Variants in UCHL3 observed in about 807,000 individuals in gnomAD.
UCHL3 encodes ubiquitin carboxyl-terminal hydrolase isozyme L3.
Under a neutral mutation model 35.8 loss-of-function variants are expected in UCHL3, and 22 were observed. The ratio of observed to expected loss-of-function variants is 0.61; its 90% CI spans 0.44 to 0.88. The LOEUF is 0.88. Among genes scored for constraint, UCHL3 ranks in the 40% least tolerant of loss-of-function variants. UCHL3 has a pLI of 0.00. For missense variants in UCHL3, 229 were observed against 276.9 expected (o/e 0.83, Z 1.23); for synonymous variants, 90 against 92.8 (o/e 0.97, Z 0.17).
chr13:75,576,566 G>T (rs2032030930), intron 6 of UCHL3, among the ~76,000 whole-genome samples: 1 of 152,100 alleles, frequency 6.6e-6, no homozygotes, highest in Non-Finnish European at 1.5e-5. Context: ...GTGTTAGCAA[G>T]GATGGTCTCG....
At chr13:75,585,974 G>A (rs140676608) in intron 6 of UCHL3, among the ~76,000 whole-genome samples, 2,184 of 152,020 alleles carry the variant, frequency 0.014, 18 homozygotes, top group Non-Finnish European at 0.023. Context: ...ATAAAGAACT[G>A]ACAATGTAGA....
rs546657200 is a variant in UCHL3 at position 75,592,415 on chromosome 13, CATATATATATATATATATATATATATAT to C, written c.475-2475_475-2448del. ...TAAAGTGGAATTTTAATTTTTCCTTCATATATATATATATATATATATATATATATATATATATATATATATATATATG... is the reference window on the plus strand; with the variant it reads ...TAAAGTGGAATTTTAATTTTTCCTTCATATATATATATATATATATATATG... On this transcript the variant is annotated intron_variant, in intron 6 of 8. Coordinates refer to ENST00000377595, the MANE Select transcript of UCHL3 (RefSeq NM_006002.5). Among the ~76,000 whole-genome samples the C allele has an allele frequency of 1.3e-3, 53 of 40,654 alleles. 4 individuals are homozygous for C. The highest frequency in any genetic ancestry group is 1.7e-3 in the Non-Finnish European group (40 of 23,218). 26.7% of individuals were successfully genotyped at this position (40,654 alleles called of 152,430 possible).
chr13:75,596,346 C>T (rs191811662), intron 7 of UCHL3, among the ~76,000 whole-genome samples: 255 of 152,040 alleles, frequency 1.7e-3, no homozygotes, highest in African/African-American at 5.5e-3. Flanking sequence ...TATAATGGAC[C>T]TCCAGGACAG....
In UCHL3 at chr13:75,557,104, A is replaced by G. The variant is rs763578327; in HGVS notation, c.55-3649A>G. Among the ~76,000 whole-genome samples the G allele has an allele frequency of 3.9e-5, 6 of 152,134 alleles. No homozygotes were observed. The South Asian group carries it at 6.2e-4, about 16-fold the overall frequency. Reference sequence around the variant, plus strand: ...ATGATGTATGCCTGTAGTCTCAGCTATCTGGGAGGCTGAGGCAGGAGGATT... The same window carrying G: ...ATGATGTATGCCTGTAGTCTCAGCTGTCTGGGAGGCTGAGGCAGGAGGATT... On this transcript the variant is annotated intron_variant, in intron 2 of 8. Transcript: ENST00000377595.
intron 6 of UCHL3, among the ~76,000 whole-genome samples, chr13:75,587,910 T>G (rs1271741032): frequency 6.6e-6 from 1 of 152,160 alleles, no homozygotes; most frequent in Non-Finnish European, 1.5e-5. Context: ...AGTATTCCTC[T>G]CTTGTAACAC....
At chr13:75,589,288 T>C (rs1404978851) in intron 6 of UCHL3, among the ~76,000 whole-genome samples, 1 of 152,174 alleles carries the variant, frequency 6.6e-6, no homozygotes, top group Non-Finnish European at 1.5e-5. Flanking sequence ...TAAATGAACC[T>C]ATATATGTCA....
intron 6 of UCHL3, among the ~76,000 whole-genome samples, chr13:75,589,663 T>C (rs1018895972): frequency 1.3e-5 from 2 of 152,220 alleles, no homozygotes; most frequent in African/African-American, 4.8e-5. Context: ...CTTTTACATA[T>C]TAATTTCCAT....
intron 7 of UCHL3, among the ~76,000 whole-genome samples, chr13:75,597,195 A>G (rs4885322): frequency 0.77 from 117,195 of 151,966 alleles, 45,957 homozygotes; most frequent in Middle Eastern, 0.88. Flanking sequence ...GTAGAAAATA[A>G]TGATTAAGAG....
At chr13:75,571,976 C>CTGTCTTGTCTTGTCTTGTCTTGTCT (rs6145127) in intron 6 of UCHL3, among the ~76,000 whole-genome samples, 3,194 of 143,102 alleles carry the variant, frequency 0.022, 158 homozygotes, top group African/African-American at 0.078. Context: ...TTTCCTAACC[C>CTGTCTTGTCTTGTCTTGTCTTGTCT]TGTCTTGTCT....
intron 2 of UCHL3, among the ~76,000 whole-genome samples, chr13:75,557,649 C>T (rs2031338870): frequency 6.6e-6 from 1 of 152,130 alleles, no homozygotes; most frequent in Non-Finnish European, 1.5e-5. Context: ...AGATAATTAT[C>T]TTTGTGAGCA....
intron 7 of UCHL3, among the ~76,000 whole-genome samples, chr13:75,598,455 C>A (rs1164112097): frequency 2.0e-5 from 3 of 152,156 alleles, no homozygotes; most frequent in Non-Finnish European, 4.4e-5. Flanking sequence ...TATTCAGGAG[C>A]CAATCCAGGA....
At chr13:75,604,085 CTG>C (rs2032860220) in intron 7 of UCHL3, among the ~76,000 whole-genome samples, 1 of 151,772 alleles carries the variant, frequency 6.6e-6, no homozygotes, top group South Asian at 2.1e-4. Flanking sequence ...GTAGAAGGGG[CTG>C]TGTTTTATGG....
At position 75,575,246 on chromosome 13, in the gene UCHL3, G is replaced by A. The variant is rs567232845; in HGVS notation, c.474+5739G>A. On this transcript the variant is annotated intron_variant, in intron 6 of 8. Coordinates refer to ENST00000377595, the MANE Select transcript of UCHL3 (RefSeq NM_006002.5). Reference sequence around the variant, plus strand: ...TTTACCTACTTTTCTCCATCCCACCGTGATTGTCTGGTAGATCAGCTAATA... The same window carrying A: ...TTTACCTACTTTTCTCCATCCCACCATGATTGTCTGGTAGATCAGCTAATA... 2.6e-5 allele frequency among the ~76,000 whole-genome samples: 4 copies of A among 152,236 alleles called. No homozygotes were observed. The South Asian group carries it at 6.2e-4, about 24-fold the overall frequency.
chr13:75,580,215 G>A (rs1033076073), intron 6 of UCHL3, among the ~76,000 whole-genome samples: 27 of 152,088 alleles, frequency 1.8e-4, no homozygotes, highest in African/African-American at 6.5e-4. Flanking sequence ...TTTGCCAACC[G>A]AACATGGATA....
chr13:75,575,439 T>C (rs1200156977), intron 6 of UCHL3, among the ~76,000 whole-genome samples: 1 of 152,220 alleles, frequency 6.6e-6, no homozygotes, highest in East Asian at 1.9e-4. Context: ...TTTTTTTCCA[T>C]TGATTTTCCA....
At chr13:75,564,333 G>T (rs962963030) in intron 3 of UCHL3, among the ~76,000 whole-genome samples, 1 of 151,922 alleles carries the variant, frequency 6.6e-6, no homozygotes, top group South Asian at 2.1e-4. Context: ...TGTATTTTTA[G>T]TAGAGACGGG....
chr13:75,572,202 A>G (rs2031884516), intron 6 of UCHL3, among the ~76,000 whole-genome samples: 3 of 152,184 alleles, frequency 2.0e-5, no homozygotes, highest in Admixed American at 6.5e-5. Flanking sequence ...CACTTCTTCT[A>G]TCCATTCTTC....
chr13:75,581,516 ATTTTT>A (rs11330521), intron 6 of UCHL3, among the ~76,000 whole-genome samples: 1 of 109,388 alleles, frequency 9.1e-6, no homozygotes. Flanking sequence ...CACCTGGCTA[ATTTTT>A]TTTTTTTTTT....
At chr13:75,603,568 T>C (rs946495230) in intron 7 of UCHL3, among the ~76,000 whole-genome samples, 2 of 152,170 alleles carry the variant, frequency 1.3e-5, no homozygotes, top group African/African-American at 2.4e-5. Flanking sequence ...TACTTTTGCC[T>C]TTATGTAAAC....
Sources: allele counts gnomAD v4.1 joint callset (sites outside exome capture counted in the v4.1 genomes callset), GRCh38; gene constraint gnomAD v4.1.1; transcripts MANE v1.5; gene names NCBI Gene and HGNC (gene_info 2026-07-23, HGNC 2026-07-21).